The following ADGRL2 variants were observed in gnomAD, a reference collection of about 807,000 sequenced individuals.
ADGRL2 encodes calcium-independent alpha-latrotoxin receptor 2.
ADGRL2 carries 44 observed loss-of-function variants against 157.4 expected under a neutral mutation model. The observed-to-expected ratio is 0.28, with a 90% CI of 0.22 to 0.36. The LOEUF is 0.36. ADGRL2 is among the 10% of genes least tolerant of loss of function. The probability of loss-of-function intolerance (pLI) is 1.00; values close to 1 mark genes in which losing one functional copy is unlikely to be tolerated. For synonymous variants in ADGRL2, 585 were observed against 624.7 expected, an observed-to-expected ratio of 0.94 and a Z score of 0.95; for missense variants, 1,510 against 1,768.9, an observed-to-expected ratio of 0.85 and a Z score of 2.63.
intron 2 of ADGRL2, among the ~76,000 whole-genome samples, chr1:81,486,688 C>G (rs1400802068): frequency 6.6e-6 from 1 of 152,132 alleles, no homozygotes; most frequent in African/African-American, 2.4e-5. Context: ...TTAGAAAAAT[C>G]TTCCACCATG....
At chr1:81,559,711 C>T (rs2080396742) in intron 2 of ADGRL2, among the ~76,000 whole-genome samples, 1 of 151,804 alleles carries the variant, frequency 6.6e-6, no homozygotes, top group Non-Finnish European at 1.5e-5. Context: ...ATTTTCTGAC[C>T]CAGTGCAGGT....
At chr1:81,710,385 G>A (rs1370579984) in intron 1 of ADGRL2, among the ~76,000 whole-genome samples, 1 of 151,980 alleles carries the variant, frequency 6.6e-6, no homozygotes, top group Non-Finnish European at 1.5e-5. Flanking sequence ...AGCACTTTGG[G>A]AGGCGGGCAG....
chr1:81,706,239 T>TAAA (rs2083732504), intron 1 of ADGRL2, among the ~76,000 whole-genome samples: 4 of 151,252 alleles, frequency 2.6e-5, no homozygotes, highest in Non-Finnish European at 5.9e-5. Flanking sequence ...ATAAAAAAAT[T>TAAA]TTTTTAAAAA....
At chr1:81,563,394 A>T (rs942867693) in intron 2 of ADGRL2, among the ~76,000 whole-genome samples, 2 of 152,190 alleles carry the variant, frequency 1.3e-5, no homozygotes, top group Non-Finnish European at 2.9e-5. Flanking sequence ...ATAGGCCAAC[A>T]TTTGGGGTTA....
chr1:81,710,756 C>A (rs552208831), intron 1 of ADGRL2, among the ~76,000 whole-genome samples: 1 of 148,652 alleles, frequency 6.7e-6, no homozygotes, highest in South Asian at 2.1e-4. Flanking sequence ...ATCAGCCTTG[C>A]ACAGATACTA....
intron 2 of ADGRL2, among the ~76,000 whole-genome samples, chr1:81,469,666 C>T (rs1024349498): frequency 6.6e-6 from 1 of 152,188 alleles, no homozygotes; most frequent in African/African-American, 2.4e-5. Context: ...TTTCTTCAAT[C>T]TTCATCCAAG....
chr1:81,833,640 A>T (rs2092097777), intron 1 of ADGRL2, among the ~76,000 whole-genome samples: 1 of 152,206 alleles, frequency 6.6e-6, no homozygotes, highest in Admixed American at 6.6e-5. Context: ...TAAATATGTG[A>T]CTTAAAATTA....
intron 11 of ADGRL2, among the ~76,000 whole-genome samples, chr1:81,964,662 T>A (rs1431347471): frequency 6.6e-6 from 1 of 152,104 alleles, no homozygotes; most frequent in Non-Finnish European, 1.5e-5. Context: ...CAAGAATTAC[T>A]GTACAATGGT....
rs138944565 is a variant in ADGRL2 at position 81,584,205 on chromosome 1, A to G, written c.-143+3225A>G. Among the ~76,000 whole-genome samples the G allele has an allele frequency of 2.8e-3, 419 of 152,242 alleles. 3 individuals carry two copies. Among genetic ancestry groups the G allele is most frequent in the African/African-American group, 9.4e-3 (389 of 41,568 alleles). ...CCCCCTAGACCTCCCTTTTGCTGTC[A>G]ACGTTTTTCTTCATCTATTCACTTC... On this transcript the variant is annotated intron_variant, in intron 3 of 24. Coordinates refer to the ADGRL2 transcript ENST00000370721.
intron 2 of ADGRL2, among the ~76,000 whole-genome samples, chr1:81,781,156 G>A (rs957510783): frequency 6.6e-6 from 1 of 152,072 alleles, no homozygotes. Flanking sequence ...TATTCCTAGA[G>A]TCTGGCACTC....
At chr1:81,565,388 A>G (rs964576012) in intron 2 of ADGRL2, among the ~76,000 whole-genome samples, 7 of 152,240 alleles carry the variant, frequency 4.6e-5, no homozygotes, top group African/African-American at 1.7e-4. Flanking sequence ...TCTTTGGAAT[A>G]TGGATGATGA....
chr1:81,468,612 T>C (rs78592399), intron 2 of ADGRL2, among the ~76,000 whole-genome samples: 1,631 of 152,300 alleles, frequency 0.011, 29 homozygotes, highest in East Asian at 0.066. Context: ...GAAGCATTTC[T>C]GATAACCTCG....
intron 3 of ADGRL2, among the ~76,000 whole-genome samples, chr1:81,663,300 G>T (rs1466046106): frequency 1.3e-5 from 2 of 151,902 alleles, no homozygotes; most frequent in Non-Finnish European, 2.9e-5. Context: ...ATTACCTGGG[G>T]GACTTTGTCT....
chr1:81,690,265 G>C (rs992271387), intron 3 of ADGRL2, among the ~76,000 whole-genome samples: 4 of 152,158 alleles, frequency 2.6e-5, no homozygotes, highest in Non-Finnish European at 5.9e-5. Context: ...GGCCAAGGTG[G>C]GCACATCACT....
At chr1:81,360,438 A>G (rs2075957860) in intron 1 of ADGRL2, among the ~76,000 whole-genome samples, 1 of 151,988 alleles carries the variant, frequency 6.6e-6, no homozygotes, top group African/African-American at 2.4e-5. Flanking sequence ...CTAACAGGGA[A>G]TGTGTTTCTG....
At chr1:81,593,619 C>A (rs992561393) in intron 3 of ADGRL2, among the ~76,000 whole-genome samples, 1 of 152,124 alleles carries the variant, frequency 6.6e-6, no homozygotes, top group East Asian at 1.9e-4. Context: ...GTTTTGGGCT[C>A]TATTACCTCT....
At chr1:81,431,131 G>A (rs1326565049) in intron 1 of ADGRL2, among the ~76,000 whole-genome samples, 1 of 152,128 alleles carries the variant, frequency 6.6e-6, no homozygotes, top group African/African-American at 2.4e-5. Flanking sequence ...GAGAACATCT[G>A]GGGCTCTCTC....
intron 1 of ADGRL2, 142 bp from the exon 2 acceptor site, chr1:81,836,743 A>G: frequency 2.8e-6 from 1 of 359,018 alleles, no homozygotes; most frequent in African/African-American, 2.1e-5. Flanking sequence ...TCAGATATCC[A>G]GTGTATAGGA....
At chr1:81,888,012 A>G (rs1351848699) in intron 2 of ADGRL2, among the ~76,000 whole-genome samples, 1 of 152,202 alleles carries the variant, frequency 6.6e-6, no homozygotes, top group Admixed American at 6.5e-5. Flanking sequence ...GCGGCCTTCT[A>G]TGCCATACTT....
Sources: gnomAD v4.1 joint callset for allele counts (sites outside exome capture counted in the v4.1 genomes callset) on GRCh38, gnomAD v4.1.1 for gene constraint, MANE v1.5 for transcripts, NCBI Gene and HGNC (gene_info 2026-07-23, HGNC 2026-07-21) for gene names.